TSPAN33: variants seen among roughly 807,000 people sequenced by gnomAD.
TSPAN33 encodes the protein tetraspanin-33.
TSPAN33 carries 27 observed loss-of-function variants against 34.8 expected under a neutral mutation model. That is an observed-to-expected ratio of 0.78 (90% CI 0.57 to 1.07). The LOEUF (loss-of-function observed/expected upper bound fraction) is 1.07. Among genes scored for constraint, TSPAN33 ranks in the 50% least tolerant of loss-of-function variants. The pLI, the probability that TSPAN33 is intolerant of heterozygous loss-of-function variation, is 0.00. For missense variants in TSPAN33, 272 were observed against 324.9 expected, an observed-to-expected ratio of 0.84 and a Z score of 1.25; for synonymous variants, 119 against 124.2, an observed-to-expected ratio of 0.96 and a Z score of 0.28.
chr7:129,167,002 C>T lies in TSPAN33; in HGVS notation c.588+96C>T, dbSNP rs1793152279. 7 of 1,432,386 alleles carry T rather than the reference C, an allele frequency of 4.9e-6. No homozygotes were observed. The highest frequency in any genetic ancestry group is 6.7e-6 in the Non-Finnish European group (7 of 1,046,874). 88.7% of individuals were successfully genotyped at this position (1,432,386 alleles called of 1,614,324 possible). On this transcript the variant is annotated intron_variant, in intron 6 of 7. Coordinates refer to ENST00000486685, the MANE Select transcript of TSPAN33 (RefSeq NM_178562.5). The surrounding 1 kb of genome is among the most constrained non-coding windows in gnomAD (Gnocchi z 4.6). ...ACTGGGGATCCCCATCCCCTAGCTT[C>T]ACCGATCAGTCATGTGGGACAGCTG...
rs776411505 is a variant in TSPAN33 at position 129,144,963 on chromosome 7, G to A, written c.-18G>A. 8.3e-6 allele frequency: 5 copies of A among 601,692 alleles called. No individual in the cohort carries two copies. The highest frequency in any genetic ancestry group is 4.0e-5 in the African/African-American group (2 of 50,348). The allele number at this position is 601,692 out of a possible 1,614,324, so 37.3% of individuals were successfully genotyped here. A position where few individuals can be genotyped will look rare whatever the true frequency, so the allele number is the denominator to read the frequency against. ...CGCTGGGAAATAGGCCCCCGGGGGCGGTGGCGGCGGCGGGGCCATGGCGCG... is the reference window on the plus strand; with the variant it reads ...CGCTGGGAAATAGGCCCCCGGGGGCAGTGGCGGCGGCGGGGCCATGGCGCG... On this transcript the variant is annotated 5_prime_UTR_variant, in exon 1 of 8. Coordinates refer to ENST00000486685, the MANE Select transcript of TSPAN33 (RefSeq NM_178562.5).
chr7:129,166,801 C>G lies in TSPAN33; in HGVS notation c.483C>G (p.Ser161=). 2 of 1,614,146 alleles carry G rather than the reference C, an allele frequency of 1.2e-6. No homozygotes were observed. The highest frequency in any genetic ancestry group is 1.7e-6 in the Non-Finnish European group (2 of 1,180,006). Residue 161 remains serine (S), a synonymous_variant, in exon 6 of 8, where the codon TCC becomes TCG. Transcript: ENST00000486685. The stretch of plus-strand genomic sequence containing the variant: ...AGTTTAGCTGCTGTGGAGGGATTTC[C>G]TACAAGGACTGGTCTCAGAACATGT... ...QKKFSCCGGI[S]YKDWSQNMYF...
At chr7:129,156,332 G>A (rs1405017741) in intron 1 of TSPAN33, among the ~76,000 whole-genome samples, 2 of 152,196 alleles carry the variant, frequency 1.3e-5, no homozygotes, top group Non-Finnish European at 2.9e-5. Flanking sequence ...CCTGGATGAA[G>A]TAGTGTTTAT....
chr7:129,166,798 T>A lies in TSPAN33; in HGVS notation c.480T>A (p.Ile160=), dbSNP rs146442894. The A allele has an allele frequency of 9.9e-5, 159 of 1,614,140 alleles. No individual in the cohort carries two copies. In the African/African-American group the frequency reaches 2.0e-3, roughly 21 times the overall value. ...TGCAGTTTAGCTGCTGTGGAGGGAT[T>A]TCCTACAAGGACTGGTCTCAGAACA... ...GQKKFSCCGG[I]SYKDWSQNMY... The change falls in exon 6 of 8, where the codon ATT becomes ATA. Residue 160 remains isoleucine, a synonymous_variant. Transcript: ENST00000486685.
At chr7:129,152,217 C>T (rs1810605150) in intron 1 of TSPAN33, among the ~76,000 whole-genome samples, 2 of 152,148 alleles carry the variant, frequency 1.3e-5, no homozygotes, top group Non-Finnish European at 2.9e-5. Context: ...CCATATGATT[C>T]AGCAATTCCT....
At chr7:129,146,063 A>G (rs1021360296) in intron 1 of TSPAN33, among the ~76,000 whole-genome samples, 2 of 152,006 alleles carry the variant, frequency 1.3e-5, no homozygotes, top group East Asian at 1.9e-4. Context: ...TCTGGCTCCT[A>G]CCACACCAGA....
intron 1 of TSPAN33, among the ~76,000 whole-genome samples, chr7:129,161,125 G>A (rs1186859352): frequency 6.6e-6 from 1 of 152,224 alleles, no homozygotes; most frequent in Non-Finnish European, 1.5e-5. Flanking sequence ...CCAGGCTTCA[G>A]TGCCATGGCA....
intron 1 of TSPAN33, among the ~76,000 whole-genome samples, chr7:129,150,400 T>C (rs1348697129): frequency 1.3e-5 from 2 of 152,176 alleles, no homozygotes; most frequent in East Asian, 1.9e-4. Flanking sequence ...CATTTGGAGA[T>C]TATCAGCTGC....
intron 1 of TSPAN33, among the ~76,000 whole-genome samples, chr7:129,147,446 C>T (rs185557708): frequency 5.9e-5 from 9 of 152,246 alleles, no homozygotes; most frequent in African/African-American, 1.9e-4. Context: ...ATTGAATGTC[C>T]CTTCTCCCCC....
At position 129,169,213 on chromosome 7, in the gene TSPAN33, A is replaced by G. The variant is rs965420325; in HGVS notation, c.*1339A>G. 2.0e-5 allele frequency among the ~76,000 whole-genome samples: 3 copies of G among 152,216 alleles called. No individual in the cohort carries two copies. Among genetic ancestry groups the G allele is most frequent in the Admixed American group, 2.0e-4 (3 of 15,288 alleles). On this transcript the variant is annotated 3_prime_UTR_variant, in exon 8 of 8. Coordinates refer to ENST00000486685, the MANE Select transcript of TSPAN33 (RefSeq NM_178562.5). ...CTCTCTTCCCCTACCCGGGCCCTCC[A>G]GGACCTTCTCCCTGAGTCGGCTGTA...
chr7:129,166,894 T>A lies in TSPAN33; in HGVS notation c.576T>A (p.Pro192=). 6.2e-7 allele frequency: 1 copy of A among 1,613,686 alleles called. No homozygotes were observed. Among genetic ancestry groups the A allele is most frequent in the Non-Finnish European group, 8.5e-7 (1 of 1,179,912 alleles). The change falls in exon 6 of 8, where the codon CCT becomes CCA. Residue 192 remains proline, a synonymous_variant. Coordinates refer to ENST00000486685, the MANE Select transcript of TSPAN33 (RefSeq NM_178562.5). ...RCSVPYSCCL[P]TPDQAVINTM... is the part of the protein sequence containing the mutation. ...CTGTGCCTTACTCCTGTTGCTTGCC[T>A]ACTCCTGACCAGGTGAGCCAGCATC...
intron 1 of TSPAN33, among the ~76,000 whole-genome samples, chr7:129,150,993 T>C (rs926782004): frequency 6.6e-6 from 1 of 152,230 alleles, no homozygotes; most frequent in African/African-American, 2.4e-5. Context: ...TTATATTTTT[T>C]AGTTTATGGA....
In TSPAN33 at chr7:129,168,225, G is replaced by T. The variant is rs945531170; in HGVS notation, c.*351G>T. 4.0e-6 allele frequency: 1 copy of T among 249,572 alleles called. No individual in the cohort carries two copies. The highest frequency in any genetic ancestry group is 8.0e-6 in the Non-Finnish European group (1 of 125,718). 15.5% of individuals were successfully genotyped at this position (249,572 alleles called of 1,614,324 possible). On this transcript the variant is annotated 3_prime_UTR_variant, in exon 8 of 8. Transcript: ENST00000486685. Reference sequence around the variant, plus strand: ...CACTGCCACCACCAGCTCTAGCAGGGATGCTCCTGAGCTTGGCGGACATAC... The same window carrying T: ...CACTGCCACCACCAGCTCTAGCAGGTATGCTCCTGAGCTTGGCGGACATAC...
intron 1 of TSPAN33, among the ~76,000 whole-genome samples, chr7:129,160,661 G>A (rs1159673016): frequency 6.6e-6 from 1 of 152,198 alleles, no homozygotes; most frequent in Non-Finnish European, 1.5e-5. Context: ...CTTTGCCAAG[G>A]CAGTTCCAGT....
chr7:129,168,109 C>G lies in TSPAN33; in HGVS notation c.*235C>G. 7.9e-6 allele frequency: 6 copies of G among 762,368 alleles called. No homozygotes were observed. The highest frequency in any genetic ancestry group is 1.2e-5 in the Non-Finnish European group (6 of 508,816). 47.2% of individuals were successfully genotyped at this position (762,368 alleles called of 1,614,324 possible). On this transcript the variant is annotated 3_prime_UTR_variant, in exon 8 of 8. Coordinates refer to ENST00000486685, the MANE Select transcript of TSPAN33 (RefSeq NM_178562.5). ...CTCAGCATTGTGCCAGAGTGATACC[C>G]TTAAGTGTTTGGGTTTATGTTTTCA...
intron 5 of TSPAN33, chr7:129,164,896 G>A: frequency 4.3e-6 from 1 of 235,074 alleles, no homozygotes; most frequent in Non-Finnish European, 8.5e-6. Flanking sequence ...TTCACAGTCA[G>A]CTACAGATCC....
chr7:129,147,642 A>G (rs1239200930), intron 1 of TSPAN33, among the ~76,000 whole-genome samples: 2 of 152,164 alleles, frequency 1.3e-5, no homozygotes, highest in Non-Finnish European at 2.9e-5. Context: ...CCTATGGATG[A>G]GATGATGGTC....
intron 5 of TSPAN33, among the ~76,000 whole-genome samples, chr7:129,166,040 G>C (rs1793134834): frequency 6.6e-6 from 1 of 152,030 alleles, no homozygotes; most frequent in African/African-American, 2.4e-5. Flanking sequence ...GGGTTCAAGT[G>C]AATCTGCCTG....
In TSPAN33 at chr7:129,150,641, A is replaced by C. The variant is rs146118064; in HGVS notation, c.102+5559A>C. On this transcript the variant is annotated intron_variant, in intron 1 of 7. Coordinates refer to ENST00000486685, the MANE Select transcript of TSPAN33 (RefSeq NM_178562.5). The stretch of plus-strand genomic sequence containing the variant: ...TCTGAACATCAGCTCTATAAAATGG[A>C]GATCCTAATGCCCTCTTGGGTTTGT... Among the ~76,000 whole-genome samples the C allele has an allele frequency of 3.6e-3, 542 of 152,294 alleles. 6 individuals carry two copies. The highest frequency in any genetic ancestry group is 0.012 in the African/African-American group (518 of 41,552).
Sources: gnomAD v4.1 joint callset for allele counts (sites outside exome capture counted in the v4.1 genomes callset) on GRCh38, gnomAD v4.1.1 for gene constraint, Gnocchi (gnomAD v3.1) non-coding constraint, MANE v1.5 for transcripts, NCBI Gene and HGNC (gene_info 2026-07-23, HGNC 2026-07-21) for gene names.